SBF2: variants seen among roughly 807,000 people sequenced by gnomAD.
SBF2 encodes the protein myotubularin-related protein 13.
Under a neutral mutation model 225.2 loss-of-function variants are expected in SBF2, and 112 were observed. The ratio of observed to expected loss-of-function variants is 0.50; its 90% CI spans 0.43 to 0.58. SBF2 has a LOEUF of 0.58. Among genes scored for constraint, SBF2 ranks in the 20% least tolerant of loss-of-function variants. The pLI, the probability that SBF2 is intolerant of heterozygous loss-of-function variation, is 0.00. For synonymous variants in SBF2, 763 were observed against 773.3 expected, an observed-to-expected ratio of 0.99 and a Z score of 0.22; for missense variants, 1,996 against 2,206.2, an observed-to-expected ratio of 0.90 and a Z score of 1.91.
At chr11:9,943,001 AAGAAAGAAAG>A (rs1428143519) in intron 16 of SBF2, among the ~76,000 whole-genome samples, 18 of 151,620 alleles carry the variant, frequency 1.2e-4, no homozygotes, top group Non-Finnish European at 2.7e-4. Context: ...GAAAGAAAGA[AAGAAAGAAAG>A]AGAAAGAAAG....
intron 2 of SBF2, among the ~76,000 whole-genome samples, chr11:10,182,769 T>A (rs1956787518): frequency 6.6e-6 from 1 of 151,800 alleles, no homozygotes; most frequent in Non-Finnish European, 1.5e-5. Context: ...ATTGTTTGTT[T>A]GTTGTTTTTT....
chr11:10,236,222 C>A (rs889667753), intron 1 of SBF2, among the ~76,000 whole-genome samples: 2 of 152,144 alleles, frequency 1.3e-5, no homozygotes, highest in African/African-American at 4.8e-5. Flanking sequence ...GAGGCCCAAG[C>A]AGGAGGATTG....
chr11:10,233,612 C>CA lies in SBF2; in HGVS notation c.56-39626dup, dbSNP rs35039499. Among the ~76,000 whole-genome samples the CA allele has an allele frequency of 9.6e-4, 129 of 134,246 alleles. 1 individual carries two copies. The highest frequency in any genetic ancestry group is 1.8e-3 in the African/African-American group (63 of 35,828). 88.1% of individuals were successfully genotyped at this position (134,246 alleles called of 152,430 possible). A position where few individuals can be genotyped will look rare whatever the true frequency, so the allele number is the denominator to read the frequency against. ...TTTTAAACAACCTGTGATAATTCTC[C>CA]AAAAAAAAAAAAAAGGTATTGATTA... On this transcript the variant is annotated intron_variant, in intron 1 of 39. Coordinates refer to ENST00000256190, the MANE Select transcript of SBF2 (RefSeq NM_030962.4).
chr11:9,907,406 T>G (rs1445581891), intron 16 of SBF2, among the ~76,000 whole-genome samples: 2 of 152,234 alleles, frequency 1.3e-5, no homozygotes, highest in Non-Finnish European at 2.9e-5. Flanking sequence ...CCATCCATGC[T>G]TTGGTTTGTC....
intron 32 of SBF2, among the ~76,000 whole-genome samples, chr11:9,802,802 T>G (rs747446421): frequency 6.6e-6 from 1 of 152,212 alleles, no homozygotes; most frequent in Non-Finnish European, 1.5e-5. Flanking sequence ...CTAACTATAG[T>G]CTTCTTAGAT....
rs1851910742 is a variant in SBF2, at chr11:9,779,984, C to T, written c.*434G>A. The T allele has an allele frequency of 3.9e-6, 1 of 255,012 alleles. No homozygotes were observed. The highest frequency in any genetic ancestry group is 7.8e-6 in the Non-Finnish European group (1 of 128,240). 15.8% of individuals were successfully genotyped at this position (255,012 alleles called of 1,614,324 possible). On this transcript the variant is annotated 3_prime_UTR_variant, in exon 40 of 40. Transcript: ENST00000256190. The stretch of plus-strand genomic sequence containing the variant: ...AGATGTCTCTCATAGGAAACCTAGT[C>T]CAGGTAGAATATGAGACAATCTTGG...
At chr11:10,003,995 C>G (rs1948083411) in intron 6 of SBF2, among the ~76,000 whole-genome samples, 1 of 152,094 alleles carries the variant, frequency 6.6e-6, no homozygotes, top group Admixed American at 6.5e-5. Flanking sequence ...ATGTGACATG[C>G]AAATTTCCTT....
chr11:9,853,472 G>T, intron 20 of SBF2, 68 bp downstream of exon 20: 1 of 1,351,626 alleles, frequency 7.4e-7, no homozygotes, highest in Non-Finnish European at 1.1e-6. Flanking sequence ...GACATGTATT[G>T]CCAGGTTTTA....
At chr11:10,284,779 T>A (rs1165911411) in intron 1 of SBF2, among the ~76,000 whole-genome samples, 1 of 151,944 alleles carries the variant, frequency 6.6e-6, no homozygotes, top group African/African-American at 2.4e-5. Flanking sequence ...CCTGGCTAAT[T>A]CATTTTTATG....
intron 30 of SBF2, 56 bp from the exon 31 acceptor site, chr11:9,809,058 CAGAG>C: frequency 7.5e-7 from 1 of 1,326,940 alleles, no homozygotes; most frequent in Non-Finnish European, 1.1e-6. Context: ...GTGCAGAAGT[CAGAG>C]AGAGTTGCTT....
chr11:9,802,071 CTCAAAGATTTACT>C (rs1853523032), intron 32 of SBF2, among the ~76,000 whole-genome samples: 1 of 152,144 alleles, frequency 6.6e-6, no homozygotes, highest in Non-Finnish European at 1.5e-5. Flanking sequence ...CTAAGATGCC[CTCAAAGATTTACT>C]CTAATGCCGA....
chr11:9,796,171 AATAAAC>A (rs1219602895), intron 32 of SBF2, among the ~76,000 whole-genome samples: 4 of 151,900 alleles, frequency 2.6e-5, no homozygotes, highest in African/African-American at 7.2e-5. Context: ...TTTTTTTTTA[AATAAAC>A]ATAATCTCAT....
intron 3 of SBF2, among the ~76,000 whole-genome samples, chr11:10,035,266 G>A (rs1271423875): frequency 1.3e-5 from 2 of 151,828 alleles, no homozygotes; most frequent in African/African-American, 4.8e-5. Context: ...GAGCCACCAC[G>A]CCCAGCCTAA....
chr11:9,899,314 G>A (rs929719766), intron 16 of SBF2, among the ~76,000 whole-genome samples: 1 of 147,904 alleles, frequency 6.8e-6, no homozygotes, highest in Non-Finnish European at 1.5e-5. Context: ...GGCAATATAG[G>A]GTGACTCTGC....
intron 6 of SBF2, among the ~76,000 whole-genome samples, chr11:10,027,372 T>G (rs1288830914): frequency 6.6e-6 from 1 of 152,182 alleles, no homozygotes; most frequent in African/African-American, 2.4e-5. Flanking sequence ...CTTTCTAACT[T>G]TCACTGATTG....
chr11:10,190,581 G>C (rs905614713), intron 2 of SBF2, among the ~76,000 whole-genome samples: 2 of 152,180 alleles, frequency 1.3e-5, no homozygotes, highest in African/African-American at 4.8e-5. Context: ...AATTTGATTA[G>C]TGAATGAATG....
chr11:10,218,820 G>T (rs754425754), intron 1 of SBF2, among the ~76,000 whole-genome samples: 153 of 152,322 alleles, frequency 1.0e-3, no homozygotes, highest in Non-Finnish European at 4.3e-4. Context: ...TTTCCAAAAT[G>T]ATCCCCTTTG....
At chr11:10,076,750 A>G (rs1195174664) in intron 2 of SBF2, among the ~76,000 whole-genome samples, 1 of 152,140 alleles carries the variant, frequency 6.6e-6, no homozygotes, top group Non-Finnish European at 1.5e-5. Flanking sequence ...CTGTCCCTGT[A>G]TTGGCTCTTT....
At chr11:9,931,869 AG>A (rs1190147583) in intron 16 of SBF2, among the ~76,000 whole-genome samples, 6 of 152,194 alleles carry the variant, frequency 3.9e-5, no homozygotes, top group African/African-American at 1.4e-4. Context: ...ATCGCAAGGA[AG>A]CTAAAAACTT....
Sources: allele counts gnomAD v4.1 joint callset (sites outside exome capture counted in the v4.1 genomes callset), GRCh38; gene constraint gnomAD v4.1.1; transcripts MANE v1.5; gene names NCBI Gene and HGNC (gene_info 2026-07-23, HGNC 2026-07-21).